Variants in LRP1B observed in about 807,000 individuals in gnomAD.
LRP1B encodes low-density lipoprotein receptor-related protein 1B.
Under a neutral mutation model 556.6 loss-of-function variants are expected in LRP1B, and 217 were observed. The observed-to-expected ratio is 0.39, with a 90% CI of 0.35 to 0.44. The LOEUF is 0.44. Among genes scored for constraint, LRP1B ranks in the 20% least tolerant of loss-of-function variants. The pLI is 1.00. For synonymous variants in LRP1B, 2,047 were observed against 1,865.8 expected (o/e 1.10, Z -2.50); for missense variants, 5,053 against 5,620.8 (o/e 0.90, Z 3.23).
chr2:140,777,873 A>G (rs1406947967), intron 32 of LRP1B, among the ~76,000 whole-genome samples: 1 of 151,968 alleles, frequency 6.6e-6, no homozygotes, highest in East Asian at 1.9e-4. Context: ...GCAACCTTCC[A>G]TAATATAGAG....
intron 3 of LRP1B, among the ~76,000 whole-genome samples, chr2:141,377,867 C>G (rs1387734258): frequency 6.6e-6 from 1 of 152,236 alleles, no homozygotes; most frequent in East Asian, 1.9e-4. Flanking sequence ...TTGAGGAGAA[C>G]ATTGTCTATG....
intron 35 of LRP1B, among the ~76,000 whole-genome samples, chr2:140,766,423 T>C (rs1208628180): frequency 6.6e-6 from 1 of 151,882 alleles, no homozygotes; most frequent in Admixed American, 6.6e-5. Flanking sequence ...TAATAAAGGA[T>C]CAGACTGTAA....
At chr2:141,768,506 T>C (rs1234950418) in intron 2 of LRP1B, among the ~76,000 whole-genome samples, 1 of 152,146 alleles carries the variant, frequency 6.6e-6, no homozygotes, top group Non-Finnish European at 1.5e-5. Context: ...TATTAGTTGA[T>C]TTCCCAGTGG....
At chr2:141,643,906 G>T (rs1314235506) in intron 2 of LRP1B, among the ~76,000 whole-genome samples, 3 of 152,006 alleles carry the variant, frequency 2.0e-5, no homozygotes, top group African/African-American at 4.8e-5. Context: ...TTATAGGGCT[G>T]CTGCAAGGAT....
chr2:140,530,056 G>A (rs1197941615), intron 47 of LRP1B, among the ~76,000 whole-genome samples: 1 of 151,980 alleles, frequency 6.6e-6, no homozygotes, highest in Non-Finnish European at 1.5e-5. Flanking sequence ...CTCTACTCTT[G>A]TGAAATTTAA....
chr2:140,373,164 A>T (rs752288485), intron 68 of LRP1B, 27 bp from the exon 69 acceptor site: 40 of 1,605,556 alleles, frequency 2.5e-5, no homozygotes, highest in Non-Finnish European at 3.4e-5. Context: ...AGATATAATC[A>T]AAATTAAAAT....
chr2:141,764,167 C>T (rs1694654174), intron 2 of LRP1B, among the ~76,000 whole-genome samples: 1 of 151,928 alleles, frequency 6.6e-6, no homozygotes, highest in Non-Finnish European at 1.5e-5. Context: ...AGGAATGGGG[C>T]TCTGTCTGAC....
intron 4 of LRP1B, among the ~76,000 whole-genome samples, chr2:141,253,741 G>A (rs1419865980): frequency 1.3e-5 from 2 of 151,928 alleles, no homozygotes; most frequent in African/African-American, 2.4e-5. Flanking sequence ...ATTTATTAGT[G>A]GCTCTGGCAA....
intron 24 of LRP1B, among the ~76,000 whole-genome samples, chr2:140,884,967 C>A (rs1191865969): frequency 6.6e-6 from 1 of 152,144 alleles, no homozygotes; most frequent in South Asian, 2.1e-4. Flanking sequence ...TCTGTCTCAG[C>A]CTCCCAAAGT....
In LRP1B at chr2:141,284,163, G is replaced by T. The variant is rs192865924; in HGVS notation, c.344-29522C>A. On this transcript the variant is annotated intron_variant, in intron 3 of 90. Coordinates refer to ENST00000389484, the MANE Select transcript of LRP1B (RefSeq NM_018557.3). ...ACATTTGTATGATATTTTTTCTCCA[G>T]CAGTGCAATAAAAAAGAAGGGACTA... Among the ~76,000 whole-genome samples the T allele has an allele frequency of 1.1e-4, 17 of 152,236 alleles. 1 individual carries two copies. The East Asian group carries it at 2.9e-3, about 26-fold the overall frequency.
chr2:141,013,430 T>G, intron 14 of LRP1B, 126 bp downstream of exon 14: 1 of 737,046 alleles, frequency 1.4e-6, no homozygotes, highest in Non-Finnish European at 2.1e-6. Flanking sequence ...TTTGATTGAC[T>G]TTGGAGGGAA....
chr2:140,856,152 T>G (rs1056929293), intron 27 of LRP1B, among the ~76,000 whole-genome samples: 1 of 152,200 alleles, frequency 6.6e-6, no homozygotes, highest in Admixed American at 6.5e-5. Context: ...ACATACACAT[T>G]GTGTACACAC....
chr2:141,789,863 T>C lies in LRP1B; in HGVS notation c.205+20416A>G, dbSNP rs147354852. On this transcript the variant is annotated intron_variant, in intron 2 of 90. Coordinates refer to ENST00000389484, the MANE Select transcript of LRP1B (RefSeq NM_018557.3). ...TCTTCCTCAAATAAGTGTCTTCTAC[T>C]TAGAGGAGACTAAAAGGACTCCAAA... Among the ~76,000 whole-genome samples the C allele has an allele frequency of 8.2e-3, 1,244 of 152,098 alleles. 23 individuals carry two copies. The highest frequency in any genetic ancestry group is 0.029 in the African/African-American group (1,198 of 41,506).
intron 3 of LRP1B, among the ~76,000 whole-genome samples, chr2:141,392,480 A>G (rs570625985): frequency 0.024 from 3,289 of 134,518 alleles, 127 homozygotes; most frequent in African/African-American, 0.091. Context: ...AAAAAAAAAA[A>G]AGAGAGACTG....
intron 1 of LRP1B, among the ~76,000 whole-genome samples, chr2:142,092,640 G>A (rs942827114): frequency 6.6e-6 from 1 of 151,972 alleles, no homozygotes; most frequent in African/African-American, 2.4e-5. Context: ...TTGTGTGTGT[G>A]TGTGTGTGTG....
At chr2:141,644,305 CA>C (rs1479518173) in intron 2 of LRP1B, among the ~76,000 whole-genome samples, 1 of 151,866 alleles carries the variant, frequency 6.6e-6, no homozygotes, top group Non-Finnish European at 1.5e-5. Flanking sequence ...GAATAAGTCC[CA>C]TGAAGTCTGA....
chr2:140,385,386 A>G (rs1018619309), intron 67 of LRP1B, among the ~76,000 whole-genome samples: 1 of 152,232 alleles, frequency 6.6e-6, no homozygotes, highest in African/African-American at 2.4e-5. Flanking sequence ...TGGAGAAGAC[A>G]GATGATAACA....
At chr2:142,062,061 C>T (rs556525992) in intron 1 of LRP1B, among the ~76,000 whole-genome samples, 2 of 151,782 alleles carry the variant, frequency 1.3e-5, no homozygotes, top group Non-Finnish European at 2.9e-5. Context: ...TGCATAATGT[C>T]CACTCCAGAA....
chr2:140,628,369 A>AAC (rs1683747393), intron 41 of LRP1B, among the ~76,000 whole-genome samples: 1 of 151,946 alleles, frequency 6.6e-6, no homozygotes, highest in South Asian at 2.1e-4. Flanking sequence ...CTCCAATAAA[A>AAC]ACACACAAAA....
Sources: allele counts gnomAD v4.1 joint callset (sites outside exome capture counted in the v4.1 genomes callset), GRCh38; gene constraint gnomAD v4.1.1; transcripts MANE v1.5; gene names NCBI Gene and HGNC (gene_info 2026-07-23, HGNC 2026-07-21).